Variants in MED12L observed in about 807,000 individuals in gnomAD.
MED12L encodes the protein mediator of RNA polymerase II transcription subunit 12-like protein.
Under a neutral mutation model 281.3 loss-of-function variants are expected in MED12L, and 60 were observed. The observed-to-expected ratio is 0.21, with a 90% confidence interval of 0.17 to 0.26. The LOEUF is 0.26. MED12L is among the 10% of genes least tolerant of loss of function. MED12L has a pLI of 1.00. For synonymous variants in MED12L, 974 were observed against 987.2 expected (o/e 0.99, Z 0.25); for missense variants, 2,146 against 2,680.9 (o/e 0.80, Z 4.41).
At chr3:151,300,237 GA>G in intron 16 of MED12L, 1 of 724,128 alleles carries the variant, frequency 1.4e-6, no homozygotes, top group Non-Finnish European at 2.5e-6. Flanking sequence ...AATCATCTGG[GA>G]AGGAATTTTA....
At chr3:151,336,795 G>A in intron 16 of MED12L, 2 of 256,978 alleles carry the variant, frequency 7.8e-6, no homozygotes, top group Non-Finnish European at 7.8e-6. Context: ...TATATGGTAT[G>A]GTGAGTCATG....
chr3:151,317,531 A>T (rs1014998175), intron 16 of MED12L, among the ~76,000 whole-genome samples: 1 of 126,996 alleles, frequency 7.9e-6, no homozygotes, highest in Admixed American at 1.0e-4. Flanking sequence ...GCTTGCTGCA[A>T]CCTCCACCTC....
chr3:151,419,971 A>C (rs1164504561), intron 43 of MED12L, among the ~76,000 whole-genome samples: 1 of 152,198 alleles, frequency 6.6e-6, no homozygotes, highest in Non-Finnish European at 1.5e-5. Context: ...ACGTGGTCAT[A>C]GCTGGTATTG....
intron 16 of MED12L, chr3:151,269,441 A>ACACACACACACACACACACACAC (rs1559962861): frequency 8.7e-6 from 2 of 230,494 alleles, no homozygotes; most frequent in East Asian, 1.3e-4. Context: ...ACACACACAC[A>ACACACACACACACACACACACAC]AAATTCAGAG....
intron 16 of MED12L, among the ~76,000 whole-genome samples, chr3:151,263,197 C>T (rs996870847): frequency 1.3e-5 from 2 of 152,072 alleles, no homozygotes; most frequent in African/African-American, 2.4e-5. Flanking sequence ...TGGCCCAGCA[C>T]CCTTTAGTGA....
Position 151,394,705 on chromosome 3 carries a change from A to G in MED12L, c.5658A>G (p.Lys1886=). 5 of 1,614,274 alleles carry G rather than the reference A, an allele frequency of 3.1e-6. No homozygotes were observed. Among genetic ancestry groups the G allele is most frequent in the Non-Finnish European group, 3.4e-6 (4 of 1,180,042 alleles). Residue 1886 remains lysine, a synonymous_variant, in exon 39 of 45, where the codon AAA becomes AAG. Transcript: ENST00000687756. ...GCTCCTTTGTCCCAACCAACACCAA[A>G]CAAGCTCTGTCAAACATGCTACAGC... is the stretch of plus-strand genomic sequence containing the variant. ...PAGSFVPTNT[K]QALSNMLQRR...
At chr3:151,090,810 C>A (rs887449891) in intron 2 of MED12L, among the ~76,000 whole-genome samples, 1 of 152,040 alleles carries the variant, frequency 6.6e-6, no homozygotes, top group African/African-American at 2.4e-5. Flanking sequence ...GAGGCCGAGG[C>A]GGGTGGATCA....
At chr3:151,117,973 C>A (rs1023236127) in intron 3 of MED12L, among the ~76,000 whole-genome samples, 28 of 151,410 alleles carry the variant, frequency 1.8e-4, no homozygotes, top group Non-Finnish European at 1.6e-4. Context: ...CGCCTGTAAT[C>A]CCAGCTACTT....
intron 2 of MED12L, among the ~76,000 whole-genome samples, chr3:151,109,376 C>CA (rs1348011506): frequency 6.6e-6 from 1 of 152,190 alleles, no homozygotes; most frequent in East Asian, 1.9e-4. Context: ...GTGTAGAATA[C>CA]AAAAATACAG....
At chr3:151,224,649 C>T (rs1014273978) in intron 16 of MED12L, among the ~76,000 whole-genome samples, 1 of 152,092 alleles carries the variant, frequency 6.6e-6, no homozygotes, top group Non-Finnish European at 1.5e-5. Context: ...TCTTCTTCAC[C>T]CAGAAGAAGG....
intron 37 of MED12L, among the ~76,000 whole-genome samples, chr3:151,388,709 T>C (rs1347940280): frequency 6.6e-6 from 1 of 152,200 alleles, no homozygotes; most frequent in African/African-American, 2.4e-5. Flanking sequence ...TTATAAAAGA[T>C]GAAAATAAGC....
intron 16 of MED12L, chr3:151,214,468 G>C (rs758918881): frequency 1.2e-5 from 7 of 602,438 alleles, no homozygotes; most frequent in Non-Finnish European, 2.0e-5. Context: ...TTTTTACTCT[G>C]TGTAAGTTAG....
intron 16 of MED12L, among the ~76,000 whole-genome samples, chr3:151,325,424 C>A (rs896981474): frequency 6.6e-6 from 1 of 151,990 alleles, no homozygotes; most frequent in African/African-American, 2.4e-5. Flanking sequence ...CTATTATTTT[C>A]TTTTATTCTT....
rs1232716593 is a variant in MED12L, at chr3:151,372,828, T to C, written c.3864+62T>C. On this transcript the variant is annotated intron_variant, in intron 27 of 44. Coordinates refer to ENST00000687756, the MANE Select transcript of MED12L (RefSeq NM_001393769.1). ...TAACTCTTCTTTTGGAGAGAGCTAC[T>C]TACACTTATAGGAAACTTGTGCATA... 3.0e-6 allele frequency: 4 copies of C among 1,346,518 alleles called. No homozygotes were observed. The East Asian group carries it at 9.3e-5, about 31-fold the overall frequency. 83.4% of individuals were successfully genotyped at this position (1,346,518 alleles called of 1,614,324 possible).
chr3:151,130,328 T>G (rs1715192729), intron 5 of MED12L, among the ~76,000 whole-genome samples: 1 of 152,214 alleles, frequency 6.6e-6, no homozygotes. Flanking sequence ...CTCAAAATCC[T>G]ACATTCAGTC....
intron 16 of MED12L, among the ~76,000 whole-genome samples, chr3:151,227,320 G>T (rs973034693): frequency 3.9e-5 from 6 of 152,086 alleles, no homozygotes; most frequent in Admixed American, 2.6e-4. Flanking sequence ...ATTCCCTCTT[G>T]ATCTTCGTAT....
At chr3:151,108,086 C>T (rs1297018751) in intron 2 of MED12L, among the ~76,000 whole-genome samples, 3 of 152,076 alleles carry the variant, frequency 2.0e-5, no homozygotes, top group Non-Finnish European at 4.4e-5. Flanking sequence ...GAGAAGAAAG[C>T]CTTCTGATGC....
At chr3:151,099,272 T>C (rs1721111160) in intron 2 of MED12L, among the ~76,000 whole-genome samples, 1 of 152,214 alleles carries the variant, frequency 6.6e-6, no homozygotes, top group Non-Finnish European at 1.5e-5. Flanking sequence ...CACTTTTAGC[T>C]TAAGCCAGTG....
chr3:151,154,162 C>T (rs1332600845), intron 5 of MED12L, among the ~76,000 whole-genome samples: 2 of 152,084 alleles, frequency 1.3e-5, no homozygotes, highest in Non-Finnish European at 2.9e-5. Flanking sequence ...TTTTTAATTG[C>T]AGTTTTACTA....
Sources: gnomAD v4.1 joint callset for allele counts (sites outside exome capture counted in the v4.1 genomes callset) on GRCh38, gnomAD v4.1.1 for gene constraint, MANE v1.5 for transcripts, NCBI Gene and HGNC (gene_info 2026-07-23, HGNC 2026-07-21) for gene names.